Variants in KCNMB2 observed in about 807,000 individuals in gnomAD.
KCNMB2 encodes the protein calcium-activated potassium channel subunit beta-2.
In KCNMB2, 9 loss-of-function variants were observed where a neutral mutation model predicts 24.5. The ratio of observed to expected loss-of-function variants is 0.37; its 90% CI spans 0.22 to 0.64. The LOEUF is 0.64. Among genes scored for constraint, KCNMB2 ranks in the 30% least tolerant of loss-of-function variants. The probability of loss-of-function intolerance (pLI) is 0.63; values close to 1 mark genes in which losing one functional copy is unlikely to be tolerated. For synonymous variants in KCNMB2, 109 were observed against 104.4 expected, an observed-to-expected ratio of 1.04 and a Z score of -0.27; for missense variants, 226 against 284.3, an observed-to-expected ratio of 0.79 and a Z score of 1.47.
At chr3:178,704,414 T>C (rs1194867414) in intron 1 of KCNMB2, among the ~76,000 whole-genome samples, 1 of 152,170 alleles carries the variant, frequency 6.6e-6, no homozygotes, top group Non-Finnish European at 1.5e-5. Context: ...GATATGGTAG[T>C]CATTAGCCAA....
At chr3:178,725,280 T>A (rs1411999111) in intron 1 of KCNMB2, among the ~76,000 whole-genome samples, 1 of 152,056 alleles carries the variant, frequency 6.6e-6, no homozygotes, top group Admixed American at 6.6e-5. Context: ...GTGGCTATTG[T>A]AAATGAGATT....
At chr3:178,655,095 C>CTCTCT (rs1720276228) in intron 1 of KCNMB2, among the ~76,000 whole-genome samples, 16 of 111,138 alleles carry the variant, frequency 1.4e-4, no homozygotes, top group East Asian at 5.8e-4. Flanking sequence ...ATTAGCTCTC[C>CTCTCT]CTCTCTCTCT....
chr3:178,729,979 G>C (rs1723090911), intron 1 of KCNMB2, among the ~76,000 whole-genome samples: 1 of 152,136 alleles, frequency 6.6e-6, no homozygotes, highest in Non-Finnish European at 1.5e-5. Context: ...AGGAAACTGA[G>C]ATTGACAAAA....
At chr3:178,573,314 T>C (rs939471765) in intron 1 of KCNMB2, among the ~76,000 whole-genome samples, 2 of 152,062 alleles carry the variant, frequency 1.3e-5, no homozygotes, top group Non-Finnish European at 2.9e-5. Context: ...TGGCCAGAAA[T>C]ATTCTAAGTA....
At chr3:178,670,423 C>CTT (rs10657526) in intron 1 of KCNMB2, among the ~76,000 whole-genome samples, 53,690 of 151,748 alleles carry the variant, frequency 0.35, 10,809 homozygotes, top group African/African-American at 0.56. Context: ...CTGGGAGACT[C>CTT]TAGAATGTCT....
chr3:178,661,482 G>T (rs1457986104), intron 1 of KCNMB2, among the ~76,000 whole-genome samples: 1 of 152,040 alleles, frequency 6.6e-6, no homozygotes, highest in Non-Finnish European at 1.5e-5. Context: ...AAACAGCTTT[G>T]TGAGCTATAC....
intron 1 of KCNMB2, among the ~76,000 whole-genome samples, chr3:178,664,582 T>C (rs577413834): frequency 4.6e-5 from 7 of 152,246 alleles, no homozygotes; most frequent in East Asian, 1.9e-4. Flanking sequence ...TAATTATCAG[T>C]CATTCTTTGT....
intron 1 of KCNMB2, among the ~76,000 whole-genome samples, chr3:178,683,199 T>C (rs1412547109): frequency 6.6e-6 from 1 of 152,076 alleles, no homozygotes; most frequent in East Asian, 1.9e-4. Flanking sequence ...GAGACCATTA[T>C]CCTTAGAAAA....
intron 4 of KCNMB2, among the ~76,000 whole-genome samples, chr3:178,829,480 A>G (rs1358882741): frequency 6.6e-6 from 1 of 152,212 alleles, no homozygotes; most frequent in Non-Finnish European, 1.5e-5. Context: ...ACTCAACATA[A>G]TAAATATTTC....
chr3:178,842,238 C>A (rs929374130), intron 4 of KCNMB2, among the ~76,000 whole-genome samples: 1 of 151,916 alleles, frequency 6.6e-6, no homozygotes, highest in Non-Finnish European at 1.5e-5. Context: ...TGTGGACAGA[C>A]AAAATGATGG....
chr3:178,608,595 A>G (rs959481241), intron 1 of KCNMB2, among the ~76,000 whole-genome samples: 7 of 152,108 alleles, frequency 4.6e-5, no homozygotes, highest in African/African-American at 1.7e-4. Context: ...TAATCACCCT[A>G]TTGTGCTATT....
intron 1 of KCNMB2, among the ~76,000 whole-genome samples, chr3:178,740,489 A>G (rs1372482675): frequency 6.6e-6 from 1 of 152,224 alleles, no homozygotes; most frequent in Non-Finnish European, 1.5e-5. Flanking sequence ...TGATGTTCAT[A>G]AATCAGTGCA....
chr3:178,819,395 A>G (rs981821037), intron 2 of KCNMB2, among the ~76,000 whole-genome samples: 9 of 151,632 alleles, frequency 5.9e-5, no homozygotes, highest in Non-Finnish European at 1.3e-4. Flanking sequence ...GACTCACTCC[A>G]CTCCGTCTCA....
intron 2 of KCNMB2, among the ~76,000 whole-genome samples, chr3:178,821,128 T>C (rs1337801418): frequency 1.3e-5 from 2 of 152,180 alleles, no homozygotes; most frequent in Non-Finnish European, 2.9e-5. Context: ...TTGTCCCTCA[T>C]TCCATTATTC....
intron 1 of KCNMB2, among the ~76,000 whole-genome samples, chr3:178,751,658 T>TGGC (rs987990476): frequency 1.4e-5 from 2 of 145,908 alleles, no homozygotes; most frequent in Admixed American, 6.8e-5. Context: ...GGAAACATGC[T>TGGC]GGCAGTTCAC....
chr3:178,713,704 C>A (rs1332930903), intron 1 of KCNMB2, among the ~76,000 whole-genome samples: 1 of 152,140 alleles, frequency 6.6e-6, no homozygotes, highest in Admixed American at 6.5e-5. Context: ...ATGGGCCCTG[C>A]AAAGCTACCT....
At chr3:178,618,403 G>A (rs770098271) in intron 1 of KCNMB2, among the ~76,000 whole-genome samples, 18 of 152,184 alleles carry the variant, frequency 1.2e-4, no homozygotes, top group South Asian at 6.2e-4. Context: ...CAGAGCCTGC[G>A]TGCTGAATCA....
At chr3:178,813,557 T>C (rs1444118832) in intron 2 of KCNMB2, among the ~76,000 whole-genome samples, 1 of 152,220 alleles carries the variant, frequency 6.6e-6, no homozygotes, top group Non-Finnish European at 1.5e-5. Flanking sequence ...TTGTATTTTC[T>C]ACAAATAACA....
Position 178,843,876 on chromosome 3 carries a change from A to C in KCNMB2, c.*939A>C, listed in dbSNP as rs551889473. 6.6e-6 allele frequency: 1 copy of C among 152,294 alleles called. No individual in the cohort carries two copies. The highest frequency in any genetic ancestry group is 6.5e-5 in the Admixed American group (1 of 15,290). 9.4% of individuals were successfully genotyped at this position (152,294 alleles called of 1,614,324 possible). On this transcript the variant is annotated 3_prime_UTR_variant, in exon 5 of 5. Transcript: ENST00000452583. ...TGTGTTGGAATATTGCTCTTTGTGAATTTGTGCTTAAGTCAATGAATGTGT... is the reference window on the plus strand; with the variant it reads ...TGTGTTGGAATATTGCTCTTTGTGACTTTGTGCTTAAGTCAATGAATGTGT...
Sources: gnomAD v4.1 joint callset for allele counts (sites outside exome capture counted in the v4.1 genomes callset) on GRCh38, gnomAD v4.1.1 for gene constraint, MANE v1.5 for transcripts, NCBI Gene and HGNC (gene_info 2026-07-23, HGNC 2026-07-21) for gene names.